The following PCDH9 variants were observed in gnomAD, a reference collection of about 807,000 sequenced individuals.
PCDH9 encodes the protein protocadherin 9, also known as protocadherin-9.
Under a neutral mutation model 70.6 loss-of-function variants are expected in PCDH9, and 24 were observed. That is an observed-to-expected ratio of 0.34 (90% CI 0.25 to 0.48). The LOEUF (loss-of-function observed/expected upper bound fraction) is 0.48, where lower values mean the gene tolerates loss of function less well. Ranked by LOEUF, PCDH9 falls within the 20% of genes least tolerant of loss-of-function variation. PCDH9 has a pLI of 0.99. For missense variants in PCDH9, 1,281 were observed against 1,503.6 expected (o/e 0.85, Z 2.45); for synonymous variants, 562 against 558.5 (o/e 1.01, Z -0.09).
intron 4 of PCDH9, among the ~76,000 whole-genome samples, chr13:66,359,987 A>T (rs1406732988): frequency 6.6e-6 from 1 of 152,050 alleles, no homozygotes; most frequent in African/African-American, 2.4e-5. Flanking sequence ...GATGAAAAAG[A>T]AGTTTAAAGT....
chr13:66,335,183 A>G (rs1283508625), intron 4 of PCDH9, among the ~76,000 whole-genome samples: 3 of 152,132 alleles, frequency 2.0e-5, no homozygotes, highest in Non-Finnish European at 4.4e-5. Flanking sequence ...AGCAGGACAT[A>G]TAAAAGAAAG....
At chr13:66,621,791 C>T (rs1421686741) in intron 4 of PCDH9, among the ~76,000 whole-genome samples, 1 of 152,280 alleles carries the variant, frequency 6.6e-6, no homozygotes, top group East Asian at 1.9e-4. Context: ...TGCTGGCAGT[C>T]CTCACAGCCC....
At chr13:66,707,819 T>C (rs1318844745) in intron 3 of PCDH9, among the ~76,000 whole-genome samples, 1 of 152,180 alleles carries the variant, frequency 6.6e-6, no homozygotes, top group Non-Finnish European at 1.5e-5. Context: ...ACCAATGTAA[T>C]ACTCAAAATA....
chr13:67,089,083 C>G (rs1489810688), intron 2 of PCDH9, among the ~76,000 whole-genome samples: 1 of 151,968 alleles, frequency 6.6e-6, no homozygotes, highest in Admixed American at 6.6e-5. Context: ...TTTCTGACTA[C>G]ACATATCAAA....
intron 4 of PCDH9, among the ~76,000 whole-genome samples, chr13:66,452,152 T>A (rs990467687): frequency 7.9e-5 from 12 of 152,194 alleles, no homozygotes; most frequent in Admixed American, 5.9e-4. Context: ...ATAAGAAGAC[T>A]GCAGAAGAGA....
chr13:66,827,257 C>T (rs958348140), intron 3 of PCDH9, among the ~76,000 whole-genome samples: 8 of 151,126 alleles, frequency 5.3e-5, no homozygotes, highest in African/African-American at 1.9e-4. Flanking sequence ...TGATTTTGGT[C>T]TTCTGACCTC....
intron 3 of PCDH9, among the ~76,000 whole-genome samples, chr13:66,766,037 T>A (rs1237603466): frequency 6.6e-6 from 1 of 152,070 alleles, no homozygotes; most frequent in African/African-American, 2.4e-5. Flanking sequence ...TATAGTCTAT[T>A]TATGAAGCCA....
intron 4 of PCDH9, among the ~76,000 whole-genome samples, chr13:66,604,068 C>T (rs1221146784): frequency 6.6e-6 from 1 of 151,684 alleles, no homozygotes; most frequent in East Asian, 1.9e-4. Context: ...TTTAGGTTGC[C>T]AAATTTATAT....
intron 4 of PCDH9, among the ~76,000 whole-genome samples, chr13:66,328,779 T>C (rs903554617): frequency 6.6e-6 from 1 of 152,194 alleles, no homozygotes; most frequent in Non-Finnish European, 1.5e-5. Flanking sequence ...GAAGTGATTT[T>C]TTTTTCCCTT....
intron 4 of PCDH9, among the ~76,000 whole-genome samples, chr13:66,499,936 C>A (rs1341583395): frequency 6.6e-6 from 1 of 152,174 alleles, no homozygotes; most frequent in East Asian, 1.9e-4. Flanking sequence ...CCATCCTTTC[C>A]CTTCCAGCAT....
chr13:67,020,399 T>C (rs2084652339), intron 2 of PCDH9, among the ~76,000 whole-genome samples: 1 of 152,226 alleles, frequency 6.6e-6, no homozygotes, highest in African/African-American at 2.4e-5. Context: ...CAAGTAAAGC[T>C]TTATCAGATC....
chr13:67,000,337 T>TGG (rs1311943304), intron 2 of PCDH9, among the ~76,000 whole-genome samples: 7 of 30,516 alleles, frequency 2.3e-4, no homozygotes, highest in Non-Finnish European at 4.2e-4. Flanking sequence ...TGTTGTGGGG[T>TGG]GGGGGAGGGG....
chr13:66,849,092 A>G (rs2081265422), intron 3 of PCDH9, among the ~76,000 whole-genome samples: 1 of 152,122 alleles, frequency 6.6e-6, no homozygotes, highest in Non-Finnish European at 1.5e-5. Context: ...AGCAACTTTT[A>G]TCATCTATTC....
At chr13:66,799,295 C>T (rs914209042) in intron 3 of PCDH9, among the ~76,000 whole-genome samples, 15 of 152,078 alleles carry the variant, frequency 9.9e-5, no homozygotes, top group African/African-American at 2.9e-4. Flanking sequence ...AGCATACTGA[C>T]GGAACGAGGA....
chr13:66,404,139 C>T lies in PCDH9; in HGVS notation c.3341-99111G>A, dbSNP rs1269107852. Among the ~76,000 whole-genome samples the T allele has an allele frequency of 2.6e-5, 4 of 152,138 alleles. 1 individual carries two copies. The highest frequency in any genetic ancestry group is 2.6e-4 in the Admixed American group (4 of 15,270). On this transcript the variant is annotated intron_variant, in intron 4 of 4. Transcript: ENST00000377865. ...GTAGAATATCTGATAAAATTTAAGA[C>T]TTGCCTTGAAGTCAATTTTATCTCT...
intron 3 of PCDH9, among the ~76,000 whole-genome samples, chr13:66,870,709 A>T (rs966611673): frequency 2.0e-5 from 3 of 152,144 alleles, no homozygotes; most frequent in African/African-American, 7.2e-5. Context: ...CACCAGTTAG[A>T]ATGGCAATCA....
At chr13:66,485,001 TTTG>T (rs1420798070) in intron 4 of PCDH9, among the ~76,000 whole-genome samples, 9 of 152,244 alleles carry the variant, frequency 5.9e-5, no homozygotes, top group Non-Finnish European at 1.0e-4. Context: ...ACCTGCAATT[TTTG>T]TTATTTATGT....
chr13:66,621,115 C>G (rs546851251), intron 4 of PCDH9, among the ~76,000 whole-genome samples: 28 of 152,196 alleles, frequency 1.8e-4, no homozygotes, highest in African/African-American at 6.7e-4. Context: ...TAGGGTGATT[C>G]CTCATGATCC....
intron 4 of PCDH9, among the ~76,000 whole-genome samples, chr13:66,466,144 A>G (rs1323704433): frequency 6.6e-6 from 1 of 151,932 alleles, no homozygotes; most frequent in Non-Finnish European, 1.5e-5. Flanking sequence ...TCAATTCCAT[A>G]AAATTGACTT....
Sources: gnomAD v4.1 joint callset for allele counts (sites outside exome capture counted in the v4.1 genomes callset) on GRCh38, gnomAD v4.1.1 for gene constraint, MANE v1.5 for transcripts, NCBI Gene and HGNC (gene_info 2026-07-23, HGNC 2026-07-21) for gene names.